The following SLC15A5 variants were observed in gnomAD, a reference collection of about 807,000 sequenced individuals.
SLC15A5 encodes the protein Peptide/histidine transporter ENSP00000340402.
A neutral mutation model predicts 56.1 loss-of-function variants in SLC15A5; 58 were observed. The ratio of observed to expected loss-of-function variants is 1.03; its 90% CI spans 0.84 to 1.29. The LOEUF (loss-of-function observed/expected upper bound fraction) is 1.29, where lower values mean the gene tolerates loss of function less well. Among genes scored for constraint, SLC15A5 ranks in the 50% most tolerant of loss-of-function variants. The probability of loss-of-function intolerance (pLI) is 0.00; values close to 1 mark genes in which losing one functional copy is unlikely to be tolerated. For synonymous variants in SLC15A5, 264 were observed against 250.5 expected (o/e 1.05, Z -0.51); for missense variants, 681 against 672.1 (o/e 1.01, Z -0.15).
At chr12:16,213,963 C>G (rs1389980099) in intron 7 of SLC15A5, among the ~76,000 whole-genome samples, 1 of 152,122 alleles carries the variant, frequency 6.6e-6, no homozygotes, top group African/African-American at 2.4e-5. Context: ...TAACAAATGT[C>G]TTTAAACACC....
At position 16,235,820 on chromosome 12, in the gene SLC15A5, T is replaced by A. The variant is rs1864347571; in HGVS notation, c.1162+3861A>T. On this transcript the variant is annotated intron_variant, in intron 5 of 8. Coordinates refer to ENST00000344941, the MANE Select transcript of SLC15A5 (RefSeq NM_001170798.1). This position sits in a 1 kb window ranked among gnomAD's most constrained non-coding sequence, Gnocchi z 4.1. ...TGGATCCTTGACTTGGCTTTTAGCT[T>A]AGCAACCACTTTGGTTTCAACCACA... Among the ~76,000 whole-genome samples, 2 of 152,140 alleles carry A rather than the reference T, an allele frequency of 1.3e-5. No homozygotes were observed. The highest frequency in any genetic ancestry group is 2.4e-5 in the African/African-American group (1 of 41,434).
chr12:16,208,218 C>T (rs749992858), intron 7 of SLC15A5, among the ~76,000 whole-genome samples: 3 of 152,158 alleles, frequency 2.0e-5, no homozygotes, highest in Non-Finnish European at 2.9e-5. Flanking sequence ...AAGTATCCAC[C>T]TTCCAATAAG....
intron 5 of SLC15A5, among the ~76,000 whole-genome samples, chr12:16,227,801 TTACTC>T (rs1233966289): frequency 1.5e-4 from 23 of 152,202 alleles, no homozygotes; most frequent in African/African-American, 5.5e-4. Context: ...TTTAGGATGA[TTACTC>T]TAAAGGTCAT....
intron 3 of SLC15A5, among the ~76,000 whole-genome samples, chr12:16,245,320 A>G (rs1203120665): frequency 6.6e-6 from 1 of 152,214 alleles, no homozygotes; most frequent in Non-Finnish European, 1.5e-5. Flanking sequence ...AAATAAGGTT[A>G]GACTATGAAC....
chr12:16,277,115 A>AT (rs11437169), intron 1 of SLC15A5, among the ~76,000 whole-genome samples: 41,630 of 122,090 alleles, frequency 0.34, 6,980 homozygotes, highest in African/African-American at 0.52. Flanking sequence ...TGATATAGGC[A>AT]CAAAACATTC....
chr12:16,254,284 TAGAAAC>T (rs970815498), intron 3 of SLC15A5, among the ~76,000 whole-genome samples: 8 of 151,896 alleles, frequency 5.3e-5, no homozygotes, highest in Non-Finnish European at 7.4e-5. Context: ...AGTCAAAAAA[TAGAAAC>T]AGAAAGTAGA....
chr12:16,223,729 T>G (rs71461007), intron 6 of SLC15A5, among the ~76,000 whole-genome samples: 14,859 of 152,074 alleles, frequency 0.098, 835 homozygotes, highest in South Asian at 0.24. Flanking sequence ...AGCTTTTTTT[T>G]TTTTTGAGAT....
At chr12:16,253,790 G>A (rs1864542479) in intron 3 of SLC15A5, among the ~76,000 whole-genome samples, 1 of 152,136 alleles carries the variant, frequency 6.6e-6, no homozygotes, top group Non-Finnish European at 1.5e-5. Context: ...GCGTTGACGA[G>A]GATGTGGAGA....
chr12:16,194,687 C>T (rs1013110493), intron 7 of SLC15A5, among the ~76,000 whole-genome samples: 16 of 151,990 alleles, frequency 1.1e-4, no homozygotes, highest in Non-Finnish European at 2.4e-4. Context: ...TTGCATCGCA[C>T]AAATATAGGT....
At chr12:16,248,618 C>T (rs2136795161) in intron 3 of SLC15A5, among the ~76,000 whole-genome samples, 1 of 152,208 alleles carries the variant, frequency 6.6e-6, no homozygotes, top group Non-Finnish European at 1.5e-5. Flanking sequence ...CTGTAGTTAC[C>T]ACTGAATGTT....
chr12:16,256,297 T>A (rs1864571029), intron 3 of SLC15A5, among the ~76,000 whole-genome samples: 1 of 152,206 alleles, frequency 6.6e-6, no homozygotes, highest in African/African-American at 2.4e-5. Flanking sequence ...TAGAATATGA[T>A]CACCTTGCAA....
Position 16,244,602 on chromosome 12 carries a change from A to T in SLC15A5, c.953T>A (p.Leu318Gln). ...TACCTGCATAATGCACATTCTGTAT[A>T]GGAGCTGAAAAATGAAGAGAGGGAG... ...TLLPLFIFQLLYRMCIMQIPS... is the reference protein window; with the variant it reads ...TLLPLFIFQLQYRMCIMQIPS... The change falls in exon 4 of 9, where the codon CTA (leucine) becomes CAA (glutamine). Residue 318 changes from leucine to glutamine, a missense_variant. Physicochemically the swap from Leu to Gln is moderately radical, Grantham distance 113 (BLOSUM62 -2). Transcript: ENST00000344941. 1 of 1,537,800 alleles carries T rather than the reference A, an allele frequency of 6.5e-7. No homozygotes were observed. Among genetic ancestry groups the T allele is most frequent in the Non-Finnish European group, 8.7e-7 (1 of 1,147,024 alleles).
At chr12:16,224,975 G>T (rs549462846) in intron 5 of SLC15A5, among the ~76,000 whole-genome samples, 1 of 149,818 alleles carries the variant, frequency 6.7e-6, no homozygotes, top group South Asian at 2.1e-4. Context: ...AGAACATGCG[G>T]TGTTTGGTTT....
At chr12:16,274,827 C>T (rs1864799694) in intron 1 of SLC15A5, among the ~76,000 whole-genome samples, 1 of 152,066 alleles carries the variant, frequency 6.6e-6, no homozygotes, top group Non-Finnish European at 1.5e-5. Context: ...CACTTTACTT[C>T]CATCTTTTGA....
At chr12:16,238,061 A>G (rs1211758369) in intron 5 of SLC15A5, among the ~76,000 whole-genome samples, 1 of 152,212 alleles carries the variant, frequency 6.6e-6, no homozygotes, top group Non-Finnish European at 1.5e-5. Flanking sequence ...CTATTACAAT[A>G]AATAAAGATG....
At chr12:16,265,725 C>T (rs991108601) in intron 2 of SLC15A5, among the ~76,000 whole-genome samples, 21 of 152,124 alleles carry the variant, frequency 1.4e-4, no homozygotes, top group African/African-American at 4.8e-4. Flanking sequence ...TCAAGCAATC[C>T]ACCCGCTTTG....
intron 5 of SLC15A5, among the ~76,000 whole-genome samples, chr12:16,228,178 G>A (rs1168737511): frequency 2.0e-5 from 3 of 152,306 alleles, no homozygotes; most frequent in South Asian, 2.1e-4. Context: ...TTGAAAATGT[G>A]TTATAGCTCA....
At chr12:16,234,149 A>G (rs1472452051) in intron 5 of SLC15A5, among the ~76,000 whole-genome samples, 2 of 152,196 alleles carry the variant, frequency 1.3e-5, no homozygotes, top group African/African-American at 4.8e-5. Context: ...CACGTTCCAC[A>G]TGGCAGAAGG....
chr12:16,252,435 A>G (rs1479473709), intron 3 of SLC15A5, among the ~76,000 whole-genome samples: 1 of 152,124 alleles, frequency 6.6e-6, no homozygotes, highest in African/African-American at 2.4e-5. Context: ...AAAAGTCATT[A>G]GAATTAATAA....
Sources: allele counts gnomAD v4.1 joint callset (sites outside exome capture counted in the v4.1 genomes callset), GRCh38; gene constraint gnomAD v4.1.1; non-coding constraint Gnocchi (gnomAD v3.1); transcripts MANE v1.5; gene names NCBI Gene and HGNC (gene_info 2026-07-23, HGNC 2026-07-21).